LHCGR: variants seen among roughly 807,000 people sequenced by gnomAD.
LHCGR encodes lutropin-choriogonadotropic hormone receptor.
A neutral mutation model predicts 60.7 loss-of-function variants in LHCGR; 55 were observed. The ratio of observed to expected loss-of-function variants is 0.91; its 90% confidence interval spans 0.73 to 1.13. LHCGR has a LOEUF of 1.13. Ranked by LOEUF, LHCGR falls within the 50% of genes most tolerant of loss-of-function variation. LHCGR has a pLI of 0.00. For synonymous variants in LHCGR, 337 were observed against 316.5 expected (o/e 1.06, Z -0.69); for missense variants, 862 against 836.0 (o/e 1.03, Z -0.38).
chr2:48,695,552 G>A (rs752580936), intron 9 of LHCGR, among the ~76,000 whole-genome samples: 3 of 151,974 alleles, frequency 2.0e-5, no homozygotes. Flanking sequence ...CTCATTACTC[G>A]GTATATACCC....
At chr2:48,702,626 T>G (rs1188270613) in intron 8 of LHCGR, among the ~76,000 whole-genome samples, 1 of 152,200 alleles carries the variant, frequency 6.6e-6, no homozygotes, top group African/African-American at 2.4e-5. Context: ...TATTTCATGG[T>G]GTATATGTGC....
In LHCGR at chr2:48,743,113, G is replaced by C. The variant is rs1669545477; in HGVS notation, c.162-11815C>G. Among the ~76,000 whole-genome samples, 5 of 152,204 alleles carry C rather than the reference G, an allele frequency of 3.3e-5. No individual in the cohort carries two copies. In the South Asian group the frequency reaches 1.0e-3, roughly 32 times the overall value. On this transcript the variant is annotated intron_variant, in intron 1 of 10. Coordinates refer to ENST00000294954, the MANE Select transcript of LHCGR (RefSeq NM_000233.4). ...TCTAGAAGAAATGGATAAATTCCTT[G>C]ACACATACACTTTTCCAAGACTAAA...
chr2:48,691,476 A>T (rs542989679), intron 10 of LHCGR, among the ~76,000 whole-genome samples: 4 of 152,166 alleles, frequency 2.6e-5, no homozygotes, highest in Non-Finnish European at 5.9e-5. Context: ...TATAATTATC[A>T]TTTTTTAATC....
At chr2:48,710,805 G>A (rs1190863986) in intron 7 of LHCGR, among the ~76,000 whole-genome samples, 1 of 152,206 alleles carries the variant, frequency 6.6e-6, no homozygotes, top group Non-Finnish European at 1.5e-5. Context: ...GTATCGTTGT[G>A]TTCTGAACAA....
rs753949731 is a variant in LHCGR, at chr2:48,688,726, C to T, written c.1071G>A (p.Met357Ile). 3.7e-6 allele frequency: 6 copies of T among 1,613,980 alleles called. No individual in the cohort carries two copies. Among genetic ancestry groups the T allele is most frequent in the Non-Finnish European group, 5.1e-6 (6 of 1,179,890 alleles). The change falls in exon 11 of 11, where the codon ATG becomes ATA. Residue 357 changes from methionine (M) to isoleucine (I), a missense_variant. Transcript: ENST00000294954. This position sits in a 1 kb window ranked among gnomAD's most constrained non-coding sequence, Gnocchi z 5.2. ...PDAFNPCEDI[M>I]GYDFLRVLIW... ...TCAGGACCCTAAGGAAGTCATAGCC[C>T]ATAATATCTTCACAGGGATTAAAAG...
chr2:48,734,428 A>G (rs1558879971), intron 1 of LHCGR, among the ~76,000 whole-genome samples: 2 of 152,224 alleles, frequency 1.3e-5, no homozygotes, highest in Non-Finnish European at 2.9e-5. Flanking sequence ...GGGACTTTGA[A>G]TGGACTAGTG....
intron 6 of LHCGR, among the ~76,000 whole-genome samples, chr2:48,717,582 C>T (rs1018610333): frequency 2.8e-5 from 4 of 144,208 alleles, no homozygotes; most frequent in Non-Finnish European, 4.6e-5. Flanking sequence ...AGCCTCTAGC[C>T]TTCTGACAAG....
chr2:48,734,760 G>A (rs766713210), intron 1 of LHCGR, among the ~76,000 whole-genome samples: 1 of 152,154 alleles, frequency 6.6e-6, no homozygotes, highest in Non-Finnish European at 1.5e-5. Context: ...CTGCTGTCCA[G>A]GGTCAAAAAA....
At chr2:48,748,171 G>A (rs1243638808) in intron 1 of LHCGR, among the ~76,000 whole-genome samples, 1 of 152,100 alleles carries the variant, frequency 6.6e-6, no homozygotes, top group East Asian at 1.9e-4. Flanking sequence ...TTTCCCTGTA[G>A]TCATTTGAGA....
At chr2:48,746,804 G>A (rs1669727646) in intron 1 of LHCGR, among the ~76,000 whole-genome samples, 1 of 152,166 alleles carries the variant, frequency 6.6e-6, no homozygotes. Context: ...ACTAGAATTT[G>A]TCTAGCAATA....
chr2:48,742,070 C>T (rs1669483605), intron 1 of LHCGR, among the ~76,000 whole-genome samples: 1 of 151,870 alleles, frequency 6.6e-6, no homozygotes, highest in African/African-American at 2.4e-5. Flanking sequence ...GACTTTAAAC[C>T]AACAAAGATC....
intron 1 of LHCGR, among the ~76,000 whole-genome samples, chr2:48,739,668 G>A (rs181784495): frequency 1.3e-5 from 2 of 151,944 alleles, no homozygotes; most frequent in Non-Finnish European, 2.9e-5. Context: ...GTTGTGGGGT[G>A]GGGGGAGTGG....
chr2:48,723,144 C>G (rs1050143247), intron 6 of LHCGR, among the ~76,000 whole-genome samples: 3 of 152,206 alleles, frequency 2.0e-5, no homozygotes, highest in Non-Finnish European at 4.4e-5. Flanking sequence ...AGCCACTCCT[C>G]TCTAGACTGT....
intron 6 of LHCGR, among the ~76,000 whole-genome samples, chr2:48,716,070 G>T (rs1404445608): frequency 6.6e-6 from 1 of 152,038 alleles, no homozygotes; most frequent in African/African-American, 2.4e-5. Flanking sequence ...TCCCATATTG[G>T]ATTACTGGAT....
At chr2:48,729,424 C>A (rs996610973) in intron 2 of LHCGR, among the ~76,000 whole-genome samples, 197 bp from the exon 3 acceptor site, 2 of 152,180 alleles carry the variant, frequency 1.3e-5, no homozygotes, top group Admixed American at 6.5e-5. Context: ...GCACCTACAA[C>A]CCAAGTGCAG....
At position 48,687,917 on chromosome 2, in the gene LHCGR, G is replaced by C. The variant is rs1679980018; in HGVS notation, c.1880C>G (p.Thr627Ser). ...CANPFLYAIF[T>S]KTFQRDFFLL... The stretch of plus-strand genomic sequence containing the variant: ...AAAGAAATCTCTTTGGAATGTCTTA[G>C]TGAATATTGCATACAGAAATGGATT... Residue 627 changes from threonine to serine, a missense_variant, in exon 11 of 11, where the codon ACT (threonine) becomes AGT (serine). Thr to Ser is a moderately conservative substitution (Grantham distance 58). Transcript: ENST00000294954. 1.9e-6 allele frequency: 3 copies of C among 1,614,010 alleles called. No homozygotes were observed. Among genetic ancestry groups the C allele is most frequent in the African/African-American group, 1.3e-5 (1 of 74,940 alleles).
Position 48,755,675 on chromosome 2 carries a change from C to T in LHCGR, c.-4G>A, listed in dbSNP as rs1448806418. On this transcript the variant is annotated 5_prime_UTR_variant, in exon 1 of 11. Transcript: ENST00000294954. ...GCGCCGAGAACCGCTGCTTCATGGC[C>T]GGCGAACTGGGCTTCTGCGGCTTGC... 3 of 1,535,026 alleles carry T rather than the reference C, an allele frequency of 2.0e-6. No homozygotes were observed. In the South Asian group the frequency reaches 3.6e-5, roughly 18 times the overall value.
chr2:48,687,489 A>G lies in LHCGR; in HGVS notation c.*208T>C. 2.1e-6 allele frequency: 1 copy of G among 485,650 alleles called. No individual in the cohort carries two copies. The highest frequency in any genetic ancestry group is 3.6e-6 in the Non-Finnish European group (1 of 275,102). The allele number at this position is 485,650 out of a possible 1,614,324, so 30.1% of individuals were successfully genotyped here. A position where few individuals can be genotyped will look rare whatever the true frequency, so the allele number is the denominator to read the frequency against. ...AAAATTTCTAAACACTCTCAACTTC[A>G]GTATTTATGCCATGTAACAATGACA... On this transcript the variant is annotated 3_prime_UTR_variant, in exon 11 of 11. Coordinates refer to ENST00000294954, the MANE Select transcript of LHCGR (RefSeq NM_000233.4).
chr2:48,722,866 C>G (rs1668562475), intron 6 of LHCGR, among the ~76,000 whole-genome samples: 1 of 152,126 alleles, frequency 6.6e-6, no homozygotes. Context: ...ATAGTGAGGC[C>G]TTAGGAAACA....
Sources: gnomAD v4.1 joint callset for allele counts (sites outside exome capture counted in the v4.1 genomes callset) on GRCh38, gnomAD v4.1.1 for gene constraint, Gnocchi (gnomAD v3.1) non-coding constraint, MANE v1.5 for transcripts, NCBI Gene and HGNC (gene_info 2026-07-23, HGNC 2026-07-21) for gene names.